The following FAT1 variants were observed in gnomAD, a reference collection of about 807,000 sequenced individuals.
FAT1 encodes the protein protocadherin Fat 1.
Under a neutral mutation model 329.8 loss-of-function variants are expected in FAT1, and 171 were observed. The ratio of observed to expected loss-of-function variants is 0.52; its 90% CI spans 0.46 to 0.59. The LOEUF is 0.59. FAT1 is among the 20% of genes least tolerant of loss of function. The pLI is 0.00. For missense variants in FAT1, 5,672 were observed against 5,774.4 expected (o/e 0.98, Z 0.57); for synonymous variants, 2,233 against 2,228.6 (o/e 1.00, Z -0.06).
At chr4:186,692,092 G>T (rs2126661097) in intron 2 of FAT1, among the ~76,000 whole-genome samples, 1 of 152,180 alleles carries the variant, frequency 6.6e-6, no homozygotes, top group South Asian at 2.1e-4. Flanking sequence ...TGTGTTCAAA[G>T]ACATCCACTC....
At chr4:186,696,318 T>C (rs1744036421) in intron 2 of FAT1, among the ~76,000 whole-genome samples, 1 of 152,182 alleles carries the variant, frequency 6.6e-6, no homozygotes, top group Non-Finnish European at 1.5e-5. Context: ...TTTAGATCCT[T>C]AAAAAATAAC....
chr4:186,591,604 TGCTTCTATAA>T (rs1429419609), intron 26 of FAT1, among the ~76,000 whole-genome samples: 13 of 152,384 alleles, frequency 8.5e-5, no homozygotes, highest in Non-Finnish European at 1.9e-4. Context: ...GTTGAAATTC[TGCTTCTATAA>T]GCTTCAATAA....
In FAT1 at chr4:186,663,361, T is replaced by C. The variant is rs2126616903; in HGVS notation, c.3518A>G (p.Lys1173Arg). 6.2e-7 allele frequency: 1 copy of C among 1,614,052 alleles called. No individual in the cohort carries two copies. The highest frequency in any genetic ancestry group is 8.5e-7 in the Non-Finnish European group (1 of 1,179,890). Residue 1173 changes from lysine to arginine, a missense_variant, in exon 3 of 27, where the codon AAG (lysine) becomes AGG (arginine). Physicochemically the swap from Lys to Arg is conservative, Grantham distance 26 (BLOSUM62 2). Around this residue, in one of 2 missense-constraint regions of FAT1, gnomAD observed 3,966 missense variants for 3,915.2 expected, o/e 1.01. Coordinates refer to ENST00000441802, the MANE Select transcript of FAT1 (RefSeq NM_005245.4). ...TCCACTTGTAATTTTGTACATGAGC[T>C]TGTCATTAGAGCTCGAATCTGGATC... ...AFDPDSSSNDKLMYKITSGNP... is the reference protein window; with the variant it reads ...AFDPDSSSNDRLMYKITSGNP...
chr4:186,708,623 A>T lies in FAT1; in HGVS notation c.1205T>A (p.Phe402Tyr), dbSNP rs2126697815. ...TTTAGCTTTTCCAGGTGTACTTTTA[A>T]AAACATACCTCAAATGGGAATAAGC... is the stretch of plus-strand genomic sequence containing the variant. Reference protein sequence around the residue: ...IPAYSHLRYVFKSTPGKAKFS... With the variant: ...IPAYSHLRYVYKSTPGKAKFS... The change falls in exon 2 of 27, where the codon TTT becomes TAT. Residue 402 changes from phenylalanine to tyrosine, a missense_variant. Phe to Tyr is a conservative substitution (Grantham distance 22). Transcript: ENST00000441802. 1 of 1,613,952 alleles carries T rather than the reference A, an allele frequency of 6.2e-7. No homozygotes were observed. Among genetic ancestry groups the T allele is most frequent in the Non-Finnish European group, 8.5e-7 (1 of 1,179,874 alleles).
rs1470361107 is a variant in FAT1 at position 186,633,137 on chromosome 4, A to G, written c.4323+547T>C. On this transcript the variant is annotated intron_variant, in intron 7 of 26. Transcript: ENST00000441802. ...CTGAGAACCAAAGAAAAGTAATAAG[A>G]AAGAACAGAATTTAAATTTCACTTA... 4.6e-5 allele frequency among the ~76,000 whole-genome samples: 7 copies of G among 152,332 alleles called. No homozygotes were observed. In the East Asian group the frequency reaches 1.2e-3, roughly 25 times the overall value.
chr4:186,714,875 C>G (rs1460690537), intron 1 of FAT1, among the ~76,000 whole-genome samples: 1 of 152,060 alleles, frequency 6.6e-6, no homozygotes, highest in African/African-American at 2.4e-5. Flanking sequence ...GTCAAGAGAC[C>G]GAGACCATCC....
At chr4:186,694,834 T>C (rs1579461326) in intron 2 of FAT1, among the ~76,000 whole-genome samples, 2 of 152,068 alleles carry the variant, frequency 1.3e-5, no homozygotes, top group South Asian at 2.1e-4. Context: ...TGATGGCGGG[T>C]GCCTGTAATC....
chr4:186,674,103 C>G (rs1560984070), intron 2 of FAT1, among the ~76,000 whole-genome samples: 1 of 152,206 alleles, frequency 6.6e-6, no homozygotes, highest in African/African-American at 2.4e-5. Flanking sequence ...TTACTCTTCT[C>G]CCCTTATACG....
chr4:186,724,451 C>T (rs879647527), upstream of FAT1, among the ~76,000 whole-genome samples: 1 of 152,176 alleles, frequency 6.6e-6, no homozygotes, highest in Non-Finnish European at 1.5e-5. This position sits in a 1 kb window ranked among gnomAD's most constrained non-coding sequence, Gnocchi z 5.3. Context: ...CCAGGCCCTC[C>T]CCGCCGCGGG....
At chr4:186,726,586 G>C (rs1369436203), upstream of FAT1, 1 of 152,298 alleles carries the variant, frequency 6.6e-6, no homozygotes, top group Non-Finnish European at 1.5e-5. Flanking sequence ...GGCGAAAAGA[G>C]AGTGCGCGGG....
intron 3 of FAT1, among the ~76,000 whole-genome samples, chr4:186,661,962 G>A (rs1023658856): frequency 3.9e-5 from 6 of 152,150 alleles, no homozygotes; most frequent in Non-Finnish European, 8.8e-5. Context: ...AGAATTGAAT[G>A]AGAGGACTCC....
In FAT1 at chr4:186,628,692, A is replaced by G. The variant is rs753227296; in HGVS notation, c.4395T>C (p.Ile1465=). Residue 1465 remains isoleucine, a synonymous_variant, in exon 8 of 27, where the codon ATT becomes ATC. Coordinates refer to ENST00000441802, the MANE Select transcript of FAT1 (RefSeq NM_005245.4). The part of the protein sequence containing the change: ...QFSTSKYEVV[I]PEDTAPETEI... ...CTGTTTCTGGCGCTGTATCTTCAGG[A>G]ATAACAACTTCATACTTTGATGTAG... The G allele has an allele frequency of 1.2e-6, 2 of 1,613,996 alleles. No individual in the cohort carries two copies. The highest frequency in any genetic ancestry group is 2.2e-5 in the South Asian group (2 of 91,082).
rs115646191 is a variant in FAT1, at chr4:186,680,354, T to C, written c.3266-16741A>G. Among the ~76,000 whole-genome samples, 802 of 152,322 alleles carry C rather than the reference T, an allele frequency of 5.3e-3. 5 individuals carry two copies. Among genetic ancestry groups the C allele is most frequent in the Non-Finnish European group, 7.6e-3 (516 of 68,028 alleles). On this transcript the variant is annotated intron_variant, in intron 2 of 26. Transcript: ENST00000441802. ...TAACAAATTCCAGTAATATAGCATATAACACAAACATGAAATCTGACTATG... is the reference window on the plus strand; with the variant it reads ...TAACAAATTCCAGTAATATAGCATACAACACAAACATGAAATCTGACTATG...
chr4:186,665,285 G>A (rs895867885), intron 2 of FAT1, among the ~76,000 whole-genome samples: 2 of 152,174 alleles, frequency 1.3e-5, no homozygotes, highest in African/African-American at 4.8e-5. Flanking sequence ...CTTCCACAAT[G>A]GTTGAACTAG....
rs768745435 is a variant in FAT1 at position 186,618,919 on chromosome 4, C to T, written c.7667G>A (p.Arg2556Gln). 5.0e-6 allele frequency: 8 copies of T among 1,613,904 alleles called. No individual in the cohort carries two copies. The highest frequency in any genetic ancestry group is 5.9e-6 in the Non-Finnish European group (7 of 1,179,880). The change falls in exon 10 of 27, where the codon CGA (arginine) becomes CAA (glutamine). Residue 2556 changes from arginine (R) to glutamine (Q), a missense_variant. Arg to Gln is a conservative substitution (Grantham distance 43, BLOSUM62 1). Coordinates refer to ENST00000441802, the MANE Select transcript of FAT1 (RefSeq NM_005245.4). Reference sequence around the variant, plus strand: ...GATCACTTTCTCCGCCGGGGTTTCTCGATCAAGTTTTTCCAAAGTAAATAT... The same window carrying T: ...GATCACTTTCTCCGCCGGGGTTTCTTGATCAAGTTTTTCCAAAGTAAATAT... ...GQIFTLEKLDRETPAEKVISV... is the reference protein window; with the variant it reads ...GQIFTLEKLDQETPAEKVISV...
At chr4:186,638,983 T>G (rs752920717) in intron 4 of FAT1, among the ~76,000 whole-genome samples, 3 of 149,616 alleles carry the variant, frequency 2.0e-5, no homozygotes, top group Non-Finnish European at 2.9e-5. Context: ...ATCAACCTGA[T>G]GTCCATGTTA....
chr4:186,692,721 C>A (rs889606266), intron 2 of FAT1, among the ~76,000 whole-genome samples: 2 of 152,162 alleles, frequency 1.3e-5, no homozygotes, highest in Non-Finnish European at 2.9e-5. Context: ...CCACGCCCCC[C>A]AGTCTTCCAT....
At chr4:186,653,208 T>G (rs1192172882) in intron 3 of FAT1, among the ~76,000 whole-genome samples, 3 of 152,084 alleles carry the variant, frequency 2.0e-5, no homozygotes, top group African/African-American at 7.2e-5. Flanking sequence ...CTCTGAAAAC[T>G]TAACAGGACA....
In FAT1 at chr4:186,611,778, A is replaced by G; in HGVS notation, c.9464-3T>C. 1.3e-6 allele frequency: 2 copies of G among 1,540,710 alleles called. No individual in the cohort carries two copies. Among genetic ancestry groups the G allele is most frequent in the East Asian group, 2.4e-5 (1 of 42,108 alleles). On this transcript the variant is annotated splice_polypyrimidine_tract_variant and splice_region_variant and intron_variant, in intron 13 of 26. Coordinates refer to ENST00000441802, the MANE Select transcript of FAT1 (RefSeq NM_005245.4). The stretch of plus-strand genomic sequence containing the variant: ...GTATAAAATCTTCCGATTTAATCCT[A>G]TGAAGACATAAAAACATGTCAAAAG...
Sources: gnomAD v4.1 joint callset for allele counts (sites outside exome capture counted in the v4.1 genomes callset) on GRCh38, gnomAD v4.1.1 for gene constraint, gnomAD v4.1.1 regional missense constraint, Gnocchi (gnomAD v3.1) non-coding constraint, MANE v1.5 for transcripts, NCBI Gene and HGNC (gene_info 2026-07-23, HGNC 2026-07-21) for gene names.